The following CCR7 variants were observed in gnomAD, a reference collection of about 807,000 sequenced individuals.
CCR7 encodes C-C chemokine receptor type 7.
A neutral mutation model predicts 26.0 loss-of-function variants in CCR7; 11 were observed. The observed-to-expected ratio is 0.42, with a 90% confidence interval of 0.27 to 0.70. The LOEUF (loss-of-function observed/expected upper bound fraction) is 0.70. Among genes scored for constraint, CCR7 ranks in the 30% least tolerant of loss-of-function variants. The pLI is 0.23. For missense variants in CCR7, 360 were observed against 504.0 expected, an observed-to-expected ratio of 0.71 and a Z score of 2.74; for synonymous variants, 189 against 202.1, an observed-to-expected ratio of 0.94 and a Z score of 0.55.
At chr17:40,562,472 C>T (rs1386712892) in intron 1 of CCR7, among the ~76,000 whole-genome samples, 1 of 152,180 alleles carries the variant, frequency 6.6e-6, no homozygotes, top group African/African-American at 2.4e-5. Context: ...TTCCATCCCC[C>T]AACATCCCGG....
chr17:40,556,342 T>A (rs1025431587), intron 2 of CCR7, among the ~76,000 whole-genome samples: 1 of 152,318 alleles, frequency 6.6e-6, no homozygotes, highest in Middle Eastern at 3.4e-3. Context: ...ACCTGATTAA[T>A]CCTGTGAACA....
rs750465836 is a variant in CCR7, at chr17:40,555,462, G to A, written c.417C>T (p.Ser139=). 5 of 1,613,854 alleles carry A rather than the reference G, an allele frequency of 3.1e-6. No individual in the cohort carries two copies. The highest frequency in any genetic ancestry group is 1.7e-5 in the Admixed American group (1 of 60,002). Residue 139 remains serine, a synonymous_variant, in exon 3 of 3, where the codon AGC becomes AGT. Transcript: ENST00000246657. This position sits in a 1 kb window ranked among gnomAD's most constrained non-coding sequence, Gnocchi z 5.6. Reference sequence around the variant, plus strand: ...GAAGTAGGAGCATGCCACTGAAGAAGCTCATCTTGTAGATGGCAAAGATGA... The same window carrying A: ...GAAGTAGGAGCATGCCACTGAAGAAACTCATCTTGTAGATGGCAAAGATGA... ...CKLIFAIYKM[S]FFSGMLLLLC...
chr17:40,558,965 G>A (rs754483254), intron 1 of CCR7, 23 bp from the exon 2 acceptor site: 12 of 1,597,112 alleles, frequency 7.5e-6, no homozygotes, highest in Middle Eastern at 1.7e-4. Context: ...AGGCGAGAAA[G>A]TTATTGCTTG....
At chr17:40,557,176 C>T (rs568326458) in intron 2 of CCR7, among the ~76,000 whole-genome samples, 1 of 152,184 alleles carries the variant, frequency 6.6e-6, no homozygotes, top group African/African-American at 2.4e-5. Flanking sequence ...TTTTTTTAGC[C>T]GTCTGCAGGG....
chr17:40,555,122 C>G lies in CCR7; in HGVS notation c.757G>C (p.Ala253Pro). ...YLVIIRTLLQ[A>P]RNFERNKAIK... The stretch of plus-strand genomic sequence containing the variant: ...GCCTTGTTGCGCTCAAAGTTGCGTG[C>G]CTGGAGCAGGGTGCGGATGATGACA... Residue 253 changes from alanine (A) to proline (P), a missense_variant, in exon 3 of 3, where the codon GCA (alanine) becomes CCA (proline). Transcript: ENST00000246657. This position sits in a 1 kb window ranked among gnomAD's most constrained non-coding sequence, Gnocchi z 5.6. 6.2e-7 allele frequency: 1 copy of G among 1,614,072 alleles called. No individual in the cohort carries two copies. The highest frequency in any genetic ancestry group is 8.5e-7 in the Non-Finnish European group (1 of 1,180,012).
At chr17:40,565,191 C>T (rs753416906) in intron 1 of CCR7, among the ~76,000 whole-genome samples, 1 of 152,126 alleles carries the variant, frequency 6.6e-6, no homozygotes, top group African/African-American at 2.4e-5. Flanking sequence ...CTGACCCCTT[C>T]TCCAGGTCTG....
chr17:40,557,533 A>G (rs2036604493), intron 2 of CCR7, among the ~76,000 whole-genome samples: 2 of 152,238 alleles, frequency 1.3e-5, no homozygotes, highest in South Asian at 4.1e-4. Flanking sequence ...ACGAAAAGTC[A>G]GTGGCAACCC....
chr17:40,565,390 G>C lies in CCR7; in HGVS notation c.10+10C>G. On this transcript the variant is annotated intron_variant, in intron 1 of 2. Transcript: ENST00000246657. Reference sequence around the variant, plus strand: ...GTACTGTTCCTTCTCACATGAAGAGGCTCACTCACCCAGGTCCATGACGCT... The same window carrying C: ...GTACTGTTCCTTCTCACATGAAGAGCCTCACTCACCCAGGTCCATGACGCT... 6.2e-7 allele frequency: 1 copy of C among 1,611,814 alleles called. No individual in the cohort carries two copies. Among genetic ancestry groups the C allele is most frequent in the Non-Finnish European group, 8.5e-7 (1 of 1,177,900 alleles).
At position 40,553,789 on chromosome 17, in the gene CCR7, T is replaced by G. The variant is rs145544377; in HGVS notation, c.*953A>C. 5 of 152,126 alleles carry G rather than the reference T, an allele frequency of 3.3e-5. No homozygotes were observed. The East Asian group carries it at 9.7e-4, about 29-fold the overall frequency. 9.4% of individuals were successfully genotyped at this position (152,126 alleles called of 1,614,324 possible). On this transcript the variant is annotated 3_prime_UTR_variant, in exon 3 of 3. Transcript: ENST00000246657. ...GCTCATTTGCCATTTACCAAAGACT[T>G]TTTTTTTCTTTTTCTTTTAAAGCTG...
At chr17:40,563,090 TCTTGTCTTG>T (rs2036671488) in intron 1 of CCR7, among the ~76,000 whole-genome samples, 1 of 152,164 alleles carries the variant, frequency 6.6e-6, no homozygotes, top group Non-Finnish European at 1.5e-5. Context: ...ACTATTCCCT[TCTTGTCTTG>T]CCCTTGCCCT....
In CCR7 at chr17:40,557,920, C is replaced by T. The variant is rs773689256; in HGVS notation, c.60+973G>A. Among the ~76,000 whole-genome samples, 180 of 152,298 alleles carry T rather than the reference C, an allele frequency of 1.2e-3. 1 individual carries two copies. The highest frequency in any genetic ancestry group is 8.2e-3 in the Admixed American group (126 of 15,304). On this transcript the variant is annotated intron_variant, in intron 2 of 2. Coordinates refer to ENST00000246657, the MANE Select transcript of CCR7 (RefSeq NM_001838.4). The stretch of plus-strand genomic sequence containing the variant: ...CAGCCTCCACTGCCAGCAATACAGC[C>T]CCCCAGAGTCCTGGAGACAGGGGAG...
Position 40,554,989 on chromosome 17 carries a change from G to T in CCR7, c.890C>A (p.Thr297Asn). 6.2e-7 allele frequency: 1 copy of T among 1,614,216 alleles called. No homozygotes were observed. ...TVANFNITSS[T>N]CELSKQLNIA... The stretch of plus-strand genomic sequence containing the variant: ...GTTGAGTTGCTTACTGAGCTCACAG[G>T]TGCTACTGGTGATGTTGAAGTTGGC... The change falls in exon 3 of 3, where the codon ACC becomes AAC. Residue 297 changes from threonine (T) to asparagine (N), a missense_variant. By Grantham distance (65) the Thr-to-Asn change is moderately conservative. Coordinates refer to ENST00000246657, the MANE Select transcript of CCR7 (RefSeq NM_001838.4).
chr17:40,560,069 A>T (rs141698715), intron 1 of CCR7, among the ~76,000 whole-genome samples: 1 of 152,246 alleles, frequency 6.6e-6, no homozygotes, highest in African/African-American at 2.4e-5. Context: ...TGAGCAGCTG[A>T]TGGGGACCCC....
intron 1 of CCR7, among the ~76,000 whole-genome samples, 187 bp from the exon 2 acceptor site, chr17:40,559,129 C>T (rs771787906): frequency 1.3e-5 from 2 of 152,332 alleles, no homozygotes; most frequent in Non-Finnish European, 2.9e-5. Context: ...GCATCACTGT[C>T]CTCACCTCCT....
At position 40,555,733 on chromosome 17, in the gene CCR7, G is replaced by A; in HGVS notation, c.146C>T (p.Ser49Phe). The change falls in exon 3 of 3, where the codon TCC becomes TTC. Residue 49 changes from serine to phenylalanine, a missense_variant. By Grantham distance (155) the Ser-to-Phe change is radical. Transcript: ENST00000246657. This position sits in a 1 kb window ranked among gnomAD's most constrained non-coding sequence, Gnocchi z 5.6. ...VDYTLFESLC[S>F]KKDVRNFKAW... ...TTTAAAGTTCCGCACGTCCTTCTTG[G>A]AGCACAAAGACTCGAACAAAGTGTA... 2 of 1,614,130 alleles carry A rather than the reference G, an allele frequency of 1.2e-6. No homozygotes were observed. Among genetic ancestry groups the A allele is most frequent in the East Asian group, 4.5e-5 (2 of 44,886 alleles).
Position 40,555,042 on chromosome 17 carries a change from G to A in CCR7, c.837C>T (p.Tyr279=). ...VVVFIVFQLP[Y]NGVVLAQTVA... ...CCGTCTGGGCCAGGACCACCCCATT[G>A]TAGGGCAGCTGGAAGACTATGAAGA... Residue 279 remains tyrosine, a synonymous_variant, in exon 3 of 3, where the codon TAC becomes TAT. Transcript: ENST00000246657. This position sits in a 1 kb window ranked among gnomAD's most constrained non-coding sequence, Gnocchi z 5.6. 1 of 1,614,226 alleles carries A rather than the reference G, an allele frequency of 6.2e-7. No individual in the cohort carries two copies. Among genetic ancestry groups the A allele is most frequent in the South Asian group, 1.1e-5 (1 of 91,082 alleles).
intron 1 of CCR7, chr17:40,560,559 G>C (rs2036643363): frequency 6.6e-6 from 1 of 152,302 alleles, no homozygotes; most frequent in Non-Finnish European, 1.5e-5. Flanking sequence ...CCGGGAAGGA[G>C]AGACTGCATC....
chr17:40,563,790 C>T (rs1254179547), intron 1 of CCR7, among the ~76,000 whole-genome samples: 3 of 152,168 alleles, frequency 2.0e-5, no homozygotes, highest in Non-Finnish European at 4.4e-5. Flanking sequence ...AGGAGTCTAG[C>T]ACCCCTAAAC....
Position 40,555,148 on chromosome 17 carries a change from A to T in CCR7, c.731T>A (p.Leu244His). The change falls in exon 3 of 3, where the codon CTT becomes CAT. Residue 244 changes from leucine to histidine, a missense_variant. Leu to His is a moderately conservative substitution (Grantham distance 99). Coordinates refer to ENST00000246657, the MANE Select transcript of CCR7 (RefSeq NM_001838.4). The surrounding 1 kb of genome is among the most constrained non-coding windows in gnomAD (Gnocchi z 5.6). ...VPLLAMSFCY[L>H]VIIRTLLQAR... ...CTGGAGCAGGGTGCGGATGATGACA[A>T]GGTAACAGAAGCTCATGGCCAGCAG... The T allele has an allele frequency of 6.2e-7, 1 of 1,614,196 alleles. No homozygotes were observed. Among genetic ancestry groups the T allele is most frequent in the Non-Finnish European group, 8.5e-7 (1 of 1,180,036 alleles).
Sources: gnomAD v4.1 joint callset for allele counts (sites outside exome capture counted in the v4.1 genomes callset) on GRCh38, gnomAD v4.1.1 for gene constraint, Gnocchi (gnomAD v3.1) non-coding constraint, MANE v1.5 for transcripts, NCBI Gene and HGNC (gene_info 2026-07-23, HGNC 2026-07-21) for gene names.